Variants in PLB1 observed in about 807,000 individuals in gnomAD.
The protein encoded by PLB1 is phospholipase B1, also known as phospholipase B1, membrane-associated.
PLB1 carries 242 observed loss-of-function variants against 227.4 expected under a neutral mutation model. That is an observed-to-expected ratio of 1.06 (90% CI 0.96 to 1.18). The LOEUF (loss-of-function observed/expected upper bound fraction) is 1.18, where lower values mean the gene tolerates loss of function less well. PLB1 is among the 50% of genes most tolerant of loss of function. The pLI is 0.00. For missense variants in PLB1, 1,858 were observed against 1,816.3 expected (o/e 1.02, Z -0.42); for synonymous variants, 757 against 682.2 (o/e 1.11, Z -1.71).
chr2:28,522,893 G>T (rs1388004401), intron 4 of PLB1, among the ~76,000 whole-genome samples: 1 of 152,072 alleles, frequency 6.6e-6, no homozygotes, highest in Non-Finnish European at 1.5e-5. Flanking sequence ...ACTTACCTGG[G>T]GTGTGTATTT....
intron 56 of PLB1, among the ~76,000 whole-genome samples, chr2:28,635,922 C>G (rs966113350): frequency 2.6e-5 from 4 of 152,208 alleles, no homozygotes; most frequent in Non-Finnish European, 5.9e-5. Flanking sequence ...TGTCTTCAGA[C>G]TTAGAGCTCT....
intron 9 of PLB1, among the ~76,000 whole-genome samples, chr2:28,537,681 AG>A (rs1671881135): frequency 4.2e-5 from 6 of 142,452 alleles, no homozygotes; most frequent in South Asian, 2.3e-4. Context: ...AAAAAAAAAA[AG>A]GTAAAGCAGG....
intron 47 of PLB1, 62 bp from the exon 48 acceptor site, chr2:28,620,536 CAT>C (rs1686889842): frequency 6.4e-7 from 1 of 1,552,454 alleles, no homozygotes; most frequent in South Asian, 1.2e-5. Flanking sequence ...CTGGCTTGTG[CAT>C]ATGTTGACAC....
intron 41 of PLB1, among the ~76,000 whole-genome samples, chr2:28,605,126 A>C (rs1408490467): frequency 6.6e-6 from 1 of 152,226 alleles, no homozygotes; most frequent in African/African-American, 2.4e-5. Context: ...CAACATGAAC[A>C]CAGCCAGCTC....
At chr2:28,621,600 G>A (rs1687062653) in intron 49 of PLB1, among the ~76,000 whole-genome samples, 1 of 152,176 alleles carries the variant, frequency 6.6e-6, no homozygotes, top group Admixed American at 6.5e-5. Flanking sequence ...TTGATTTTCT[G>A]CATGGAGCGT....
At chr2:28,514,828 C>A (rs1284557405) in intron 1 of PLB1, among the ~76,000 whole-genome samples, 1 of 152,086 alleles carries the variant, frequency 6.6e-6, no homozygotes, top group African/African-American at 2.4e-5. Flanking sequence ...GCAATGTCAT[C>A]TTTTTCTATT....
intron 14 of PLB1, among the ~76,000 whole-genome samples, chr2:28,544,925 C>T (rs1270999410): frequency 6.6e-6 from 1 of 152,138 alleles, no homozygotes; most frequent in Non-Finnish European, 1.5e-5. Flanking sequence ...AGGGCAGGTC[C>T]AGGGAGAGGG....
intron 21 of PLB1, among the ~76,000 whole-genome samples, chr2:28,575,395 C>T (rs1678757355): frequency 6.6e-6 from 1 of 152,136 alleles, no homozygotes; most frequent in Non-Finnish European, 1.5e-5. Context: ...TAATCACAAA[C>T]ATCACACTAC....
chr2:28,567,625 C>G (rs1677249854), intron 20 of PLB1, among the ~76,000 whole-genome samples: 1 of 151,984 alleles, frequency 6.6e-6, no homozygotes, highest in South Asian at 2.1e-4. Context: ...AGGCCCCCGC[C>G]ACCACACCCA....
chr2:28,607,158 G>T (rs887492428), intron 43 of PLB1, among the ~76,000 whole-genome samples: 1 of 152,198 alleles, frequency 6.6e-6, no homozygotes, highest in Non-Finnish European at 1.5e-5. Context: ...CTTCAGGCCT[G>T]GGGTGGGGGC....
At chr2:28,584,257 C>T (rs1680538604) in intron 25 of PLB1, among the ~76,000 whole-genome samples, 1 of 152,232 alleles carries the variant, frequency 6.6e-6, no homozygotes, top group Admixed American at 6.5e-5. Context: ...TAAGGGGTAC[C>T]TTTCCTGCTC....
At chr2:28,567,916 C>T (rs1333376253) in intron 20 of PLB1, among the ~76,000 whole-genome samples, 3 of 152,098 alleles carry the variant, frequency 2.0e-5, no homozygotes, top group Non-Finnish European at 1.5e-5. Flanking sequence ...ATAATTTTGC[C>T]TGGGAGGAAT....
intron 38 of PLB1, 78 bp from the exon 39 acceptor site, chr2:28,602,743 A>T: frequency 7.7e-7 from 1 of 1,290,560 alleles, no homozygotes; most frequent in Non-Finnish European, 1.1e-6. Flanking sequence ...TGCTAAAGGA[A>T]CCCATTCCTA....
chr2:28,610,988 A>G (rs1378066812), intron 43 of PLB1, among the ~76,000 whole-genome samples: 1 of 152,162 alleles, frequency 6.6e-6, no homozygotes, highest in Non-Finnish European at 1.5e-5. Flanking sequence ...CAGGCCTTTA[A>G]ACCACTCTGA....
At chr2:28,640,619 C>T (rs1010838487) in intron 56 of PLB1, among the ~76,000 whole-genome samples, 1 of 152,214 alleles carries the variant, frequency 6.6e-6, no homozygotes, top group Non-Finnish European at 1.5e-5. Context: ...CCAGCCCCTC[C>T]GCAGACTTCC....
intron 21 of PLB1, 88 bp from the exon 22 acceptor site, chr2:28,578,019 C>T: frequency 1.5e-6 from 2 of 1,344,230 alleles, no homozygotes; most frequent in Non-Finnish European, 2.1e-6. Flanking sequence ...GGGCCTTCCT[C>T]CACCATACAT....
chr2:28,545,304 G>A (rs1445531189), intron 14 of PLB1, among the ~76,000 whole-genome samples: 1 of 152,170 alleles, frequency 6.6e-6, no homozygotes, highest in African/African-American at 2.4e-5. Flanking sequence ...GGACATGGGG[G>A]GCAGGGAGAG....
intron 44 of PLB1, among the ~76,000 whole-genome samples, chr2:28,615,616 C>T (rs1686088390): frequency 6.6e-6 from 1 of 152,186 alleles, no homozygotes; most frequent in Non-Finnish European, 1.5e-5. Flanking sequence ...CCAGTGGAGG[C>T]TTGTCCTCAT....
At chr2:28,575,573 CTTTG>C (rs978502294) in intron 21 of PLB1, among the ~76,000 whole-genome samples, 24 of 152,090 alleles carry the variant, frequency 1.6e-4, no homozygotes, top group East Asian at 1.4e-3. Flanking sequence ...CCCCAATAGA[CTTTG>C]TTTGTTTGTT....
Sources: allele counts gnomAD v4.1 joint callset (sites outside exome capture counted in the v4.1 genomes callset), GRCh38; gene constraint gnomAD v4.1.1; transcripts MANE v1.5; gene names NCBI Gene and HGNC (gene_info 2026-07-23, HGNC 2026-07-21).